The following ZNF385D variants were observed in gnomAD, a reference collection of about 807,000 sequenced individuals.
The protein encoded by ZNF385D is zinc finger protein 385D.
ZNF385D carries 15 observed loss-of-function variants against 35.8 expected under a neutral mutation model. The observed-to-expected ratio is 0.42, with a 90% CI of 0.28 to 0.64. The LOEUF (loss-of-function observed/expected upper bound fraction) is 0.64, where lower values mean the gene tolerates loss of function less well. Among genes scored for constraint, ZNF385D ranks in the 30% least tolerant of loss-of-function variants. The pLI is 0.23. For synonymous variants in ZNF385D, 212 were observed against 186.8 expected, an observed-to-expected ratio of 1.13 and a Z score of -1.10; for missense variants, 474 against 494.6, an observed-to-expected ratio of 0.96 and a Z score of 0.39.
At chr3:21,679,792 C>G (rs74745243) in intron 1 of ZNF385D, among the ~76,000 whole-genome samples, 3,278 of 152,136 alleles carry the variant, frequency 0.022, 117 homozygotes, top group African/African-American at 0.075. Context: ...ACTTGATTGA[C>G]CTCGATAGAA....
chr3:22,105,546 C>T (rs1702163373), intron 3 of ZNF385D, among the ~76,000 whole-genome samples: 1 of 152,082 alleles, frequency 6.6e-6, no homozygotes, highest in South Asian at 2.1e-4. Context: ...CCCAGGAAAG[C>T]AGGTGGTGTA....
At chr3:22,153,135 T>G (rs1705356805) in intron 3 of ZNF385D, among the ~76,000 whole-genome samples, 1 of 152,182 alleles carries the variant, frequency 6.6e-6, no homozygotes, top group Admixed American at 6.5e-5. Flanking sequence ...TCCTGACCTC[T>G]GCTGTACAAA....
chr3:21,625,827 G>T (rs1575346894), intron 2 of ZNF385D, among the ~76,000 whole-genome samples: 1 of 152,074 alleles, frequency 6.6e-6, no homozygotes, highest in Non-Finnish European at 1.5e-5. Context: ...GACAAAAATA[G>T]AATACTTTTA....
intron 3 of ZNF385D, among the ~76,000 whole-genome samples, chr3:21,855,620 T>C (rs920802652): frequency 2.6e-5 from 4 of 152,050 alleles, no homozygotes; most frequent in Non-Finnish European, 4.4e-5. Context: ...AAATAAGATA[T>C]ATACCAATAT....
At chr3:22,096,872 T>A (rs1701662656) in intron 3 of ZNF385D, among the ~76,000 whole-genome samples, 1 of 152,078 alleles carries the variant, frequency 6.6e-6, no homozygotes, top group Non-Finnish European at 1.5e-5. Context: ...TTTCAATCTG[T>A]GATTTGTGAC....
chr3:22,028,852 A>G (rs1019243593), intron 3 of ZNF385D, among the ~76,000 whole-genome samples: 2 of 152,168 alleles, frequency 1.3e-5, no homozygotes, highest in Admixed American at 6.5e-5. Context: ...CACAAATACA[A>G]TGTCAACTAG....
chr3:21,781,701 G>C (rs376455955), intron 3 of ZNF385D, among the ~76,000 whole-genome samples: 1 of 151,838 alleles, frequency 6.6e-6, no homozygotes, highest in Admixed American at 6.6e-5. Context: ...CGTAAGTCTT[G>C]TTATTATTAT....
At chr3:21,962,877 C>T (rs1057142049) in intron 3 of ZNF385D, among the ~76,000 whole-genome samples, 2 of 152,180 alleles carry the variant, frequency 1.3e-5, no homozygotes, top group African/African-American at 4.8e-5. Context: ...TGTTGCAAGA[C>T]ATCTTGGAGT....
intron 2 of ZNF385D, among the ~76,000 whole-genome samples, chr3:22,371,764 CAAG>C (rs1456321717): frequency 3.3e-5 from 5 of 152,158 alleles, no homozygotes; most frequent in African/African-American, 1.2e-4. Flanking sequence ...ACTAGCTGGC[CAAG>C]AAGACAATCA....
At chr3:22,026,518 T>C (rs978202946) in intron 3 of ZNF385D, among the ~76,000 whole-genome samples, 4 of 152,216 alleles carry the variant, frequency 2.6e-5, no homozygotes, top group Admixed American at 1.3e-4. Flanking sequence ...TAGGGACTTA[T>C]GGAAGTCAGA....
At chr3:22,037,869 C>T (rs576000945) in intron 3 of ZNF385D, among the ~76,000 whole-genome samples, 3 of 152,082 alleles carry the variant, frequency 2.0e-5, no homozygotes, top group Admixed American at 1.3e-4. Context: ...GGTACTGGTA[C>T]CAAAACAGAG....
chr3:21,712,127 A>G (rs2068132969), intron 1 of ZNF385D, among the ~76,000 whole-genome samples: 1 of 152,138 alleles, frequency 6.6e-6, no homozygotes, highest in Admixed American at 6.5e-5. Context: ...TAGTCAGGTA[A>G]TGATTCCCCA....
At chr3:21,742,155 A>T (rs1225303990) in intron 1 of ZNF385D, among the ~76,000 whole-genome samples, 2 of 152,230 alleles carry the variant, frequency 1.3e-5, no homozygotes, top group African/African-American at 4.8e-5. Flanking sequence ...TAAAGTTTGT[A>T]TTCAAATTTC....
At chr3:22,034,841 G>A (rs183280058) in intron 3 of ZNF385D, among the ~76,000 whole-genome samples, 193 of 152,188 alleles carry the variant, frequency 1.3e-3, no homozygotes, top group African/African-American at 4.4e-3. Flanking sequence ...GATATTCTAG[G>A]TGAAAGAAAT....
At chr3:22,090,172 G>C (rs1701257745) in intron 3 of ZNF385D, among the ~76,000 whole-genome samples, 1 of 152,082 alleles carries the variant, frequency 6.6e-6, no homozygotes, top group Non-Finnish European at 1.5e-5. Flanking sequence ...AACTTTTCCA[G>C]TTCAAATTGC....
rs1471470264 is a variant in ZNF385D at position 21,988,356 on chromosome 3, G to A, written c.325+180461C>T. Among the ~76,000 whole-genome samples, 7 of 123,830 alleles carry A rather than the reference G, an allele frequency of 5.7e-5. 1 individual carries two copies. The highest frequency in any genetic ancestry group is 1.2e-4 in the Non-Finnish European group (7 of 56,074). 81.2% of individuals were successfully genotyped at this position (123,830 alleles called of 152,430 possible). On this transcript the variant is annotated intron_variant, in intron 3 of 5. Transcript: ENST00000494108. ...GTACAGATGGGTTTTCGGTGTGGAT[G>A]TCCTTTCTGTTTGTTAGTTTTCCTT...
At chr3:21,802,935 G>T (rs1203969725) in intron 3 of ZNF385D, among the ~76,000 whole-genome samples, 2 of 152,182 alleles carry the variant, frequency 1.3e-5, no homozygotes, top group Non-Finnish European at 2.9e-5. Context: ...AAGATGTTGG[G>T]AAGTAGGACA....
At chr3:21,514,689 A>C (rs1359541586) in intron 3 of ZNF385D, among the ~76,000 whole-genome samples, 1 of 151,722 alleles carries the variant, frequency 6.6e-6, no homozygotes, top group Non-Finnish European at 1.5e-5. Context: ...GCTGTATGTC[A>C]CTTTCCTTTT....
chr3:21,973,918 G>A (rs752358002), intron 3 of ZNF385D, among the ~76,000 whole-genome samples: 22 of 151,896 alleles, frequency 1.4e-4, no homozygotes, highest in Non-Finnish European at 4.4e-5. Flanking sequence ...GTAAGAAATT[G>A]AAGAGGTCAA....
Sources: gnomAD v4.1 joint callset for allele counts (sites outside exome capture counted in the v4.1 genomes callset) on GRCh38, gnomAD v4.1.1 for gene constraint, MANE v1.5 for transcripts, NCBI Gene and HGNC (gene_info 2026-07-23, HGNC 2026-07-21) for gene names.